AFAP1L2: variants seen among roughly 807,000 people sequenced by gnomAD.
AFAP1L2 encodes the protein actin filament-associated protein 1-like 2.
AFAP1L2 carries 46 observed loss-of-function variants against 99.3 expected under a neutral mutation model. The ratio of observed to expected loss-of-function variants is 0.46; its 90% confidence interval spans 0.37 to 0.59. AFAP1L2 has a LOEUF of 0.59. Ranked by LOEUF, AFAP1L2 falls within the 20% of genes least tolerant of loss-of-function variation. The probability of loss-of-function intolerance (pLI) is 0.00; values close to 1 mark genes in which losing one functional copy is unlikely to be tolerated. For missense variants in AFAP1L2, 959 were observed against 1,034.9 expected (o/e 0.93, Z 1.01); for synonymous variants, 397 against 419.1 (o/e 0.95, Z 0.64).
At chr10:114,373,481 TG>T (rs1037220282) in intron 1 of AFAP1L2, among the ~76,000 whole-genome samples, 1 of 151,912 alleles carries the variant, frequency 6.6e-6, no homozygotes, top group African/African-American at 2.4e-5. Context: ...AAAAATTAGC[TG>T]GGCGTGGTGG....
At chr10:114,289,009 G>A in the AFAP1L2 span, 1 of 1,614,158 alleles carries the variant, frequency 6.2e-7, no homozygotes, top group Non-Finnish European at 8.5e-7. Flanking sequence ...CGAGAATTTT[G>A]CTCAGATGCA....
chr10:114,285,461 G>A, the AFAP1L2 span, among the ~76,000 whole-genome samples: 1 of 152,228 alleles, frequency 6.6e-6, no homozygotes, highest in Non-Finnish European at 1.5e-5. Flanking sequence ...AGGGCTTGAT[G>A]AATAATAACT....
chr10:114,282,436 GGT>G, the AFAP1L2 span: 3 of 1,106,134 alleles, frequency 2.7e-6, no homozygotes, highest in Middle Eastern at 2.0e-4. Context: ...ATCAGCTTTT[GGT>G]GTTGTAAATC....
intron 7 of AFAP1L2, among the ~76,000 whole-genome samples, chr10:114,313,134 G>A (rs2043523383): frequency 6.6e-6 from 1 of 151,908 alleles, no homozygotes; most frequent in Non-Finnish European, 1.5e-5. Flanking sequence ...CAGGAAGGAG[G>A]GGAGGGGCAG....
At chr10:114,317,582 G>A (rs2044330293) in intron 5 of AFAP1L2, among the ~76,000 whole-genome samples, 6 of 152,202 alleles carry the variant, frequency 3.9e-5, no homozygotes, top group Admixed American at 3.9e-4. Flanking sequence ...GAAGGGGCCA[G>A]GCGTGGTGGC....
chr10:114,285,789 C>A, the AFAP1L2 span: 2 of 823,736 alleles, frequency 2.4e-6, no homozygotes, highest in Non-Finnish European at 3.7e-6. Context: ...TTGTCTCTAA[C>A]TCTGTGACGA....
chr10:114,333,441 C>T (rs2047503582), intron 2 of AFAP1L2, 146 bp from the exon 3 acceptor site: 1 of 643,142 alleles, frequency 1.6e-6, no homozygotes, highest in Non-Finnish European at 2.7e-6. Flanking sequence ...AAAGAATAGT[C>T]CAACATGCAA....
At chr10:114,298,247 G>A (rs373749794) in intron 16 of AFAP1L2, among the ~76,000 whole-genome samples, 6 of 152,074 alleles carry the variant, frequency 3.9e-5, no homozygotes, top group African/African-American at 7.2e-5. Flanking sequence ...ACATGGTGGC[G>A]GATGCCTGTA....
chr10:114,403,609 C>T (rs1346422912), intron 1 of AFAP1L2, among the ~76,000 whole-genome samples: 1 of 152,152 alleles, frequency 6.6e-6, no homozygotes, highest in African/African-American at 2.4e-5. Context: ...GGGGCAACTC[C>T]CTGTACTCCC....
At chr10:114,355,910 C>T (rs2051300736) in intron 1 of AFAP1L2, among the ~76,000 whole-genome samples, 1 of 152,140 alleles carries the variant, frequency 6.6e-6, no homozygotes, top group African/African-American at 2.4e-5. Flanking sequence ...GAGGTCGAGG[C>T]TGCAGTGAGC....
At chr10:114,348,397 T>C (rs962400764) in intron 1 of AFAP1L2, among the ~76,000 whole-genome samples, 5 of 152,214 alleles carry the variant, frequency 3.3e-5, no homozygotes, top group East Asian at 1.9e-4. Flanking sequence ...TCCCACAGCA[T>C]GGCAGCAGGA....
chr10:114,328,091 C>G (rs2046659249), intron 4 of AFAP1L2, among the ~76,000 whole-genome samples: 1 of 152,222 alleles, frequency 6.6e-6, no homozygotes, highest in African/African-American at 2.4e-5. Context: ...ATCTGTTTCT[C>G]CTGCAAGGAC....
chr10:114,289,359 C>T, the AFAP1L2 span: 35 of 1,614,076 alleles, frequency 2.2e-5, no homozygotes, highest in African/African-American at 4.0e-5. Context: ...CTGTCTTGGT[C>T]GTGGGCGTGG....
At chr10:114,302,578 G>A (rs1365957601) in intron 11 of AFAP1L2, 94 bp from the exon 12 acceptor site, 18 of 1,512,944 alleles carry the variant, frequency 1.2e-5, no homozygotes, top group Non-Finnish European at 1.6e-5. Context: ...CCCTACCCCT[G>A]AGCCTGCCCA....
At chr10:114,387,089 A>G (rs1001906640) in intron 1 of AFAP1L2, among the ~76,000 whole-genome samples, 1 of 152,226 alleles carries the variant, frequency 6.6e-6, no homozygotes, top group Non-Finnish European at 1.5e-5. Flanking sequence ...CCTTCTGGCC[A>G]TAAATACTCT....
intron 8 of AFAP1L2, 46 bp downstream of exon 8, chr10:114,310,308 G>T (rs762455722): frequency 6.4e-7 from 1 of 1,553,508 alleles, no homozygotes; most frequent in South Asian, 1.2e-5. Flanking sequence ...TTTTTACAGA[G>T]AAAACATGGA....
At chr10:114,286,349 G>A in the AFAP1L2 span, 3 of 1,613,666 alleles carry the variant, frequency 1.9e-6, no homozygotes, top group East Asian at 6.7e-5. Flanking sequence ...TCACGCAAGG[G>A]CGCGAGAGCT....
chr10:114,359,547 T>A (rs2051913725), intron 1 of AFAP1L2, among the ~76,000 whole-genome samples: 1 of 152,182 alleles, frequency 6.6e-6, no homozygotes, highest in Admixed American at 6.5e-5. Flanking sequence ...TGCAGAGCAG[T>A]TCTGCTCATC....
chr10:114,291,393 C>T, downstream of AFAP1L2: 1 of 836,654 alleles, frequency 1.2e-6, no homozygotes, highest in Non-Finnish European at 1.8e-6. Flanking sequence ...ACTATTCTCA[C>T]TGAGGGAGGA....
Sources: allele counts gnomAD v4.1 joint callset (sites outside exome capture counted in the v4.1 genomes callset), GRCh38; gene constraint gnomAD v4.1.1; transcripts MANE v1.5; gene names NCBI Gene and HGNC (gene_info 2026-07-23, HGNC 2026-07-21).